The following MARCHF1 variants were observed in gnomAD, a reference collection of about 807,000 sequenced individuals.
MARCHF1 encodes the protein E3 ubiquitin-protein ligase MARCHF1.
Under a neutral mutation model 54.2 loss-of-function variants are expected in MARCHF1, and 40 were observed. The observed-to-expected ratio is 0.74, with a 90% CI of 0.57 to 0.96. The LOEUF is 0.96. Ranked by LOEUF, MARCHF1 falls within the 40% of genes least tolerant of loss-of-function variation. MARCHF1 has a pLI of 0.00. For synonymous variants in MARCHF1, 236 were observed against 236.3 expected, an observed-to-expected ratio of 1.00 and a Z score of 0.01; for missense variants, 586 against 656.5, an observed-to-expected ratio of 0.89 and a Z score of 1.17.
intron 3 of MARCHF1, among the ~76,000 whole-genome samples, chr4:163,891,833 C>T (rs1186137985): frequency 1.3e-5 from 2 of 152,144 alleles, no homozygotes; most frequent in East Asian, 3.8e-4. Context: ...CCATGATGCT[C>T]ATCTTTCTAG....
rs1005617962 is a variant in MARCHF1 at position 163,528,415 on chromosome 4, TAC to T, written c.*331_*332del. 6 of 235,108 alleles carry T rather than the reference TAC, an allele frequency of 2.6e-5. No homozygotes were observed. Among genetic ancestry groups the T allele is most frequent in the Non-Finnish European group, 5.0e-5 (6 of 120,820 alleles). The allele number at this position is 235,108 out of a possible 1,614,324, so 14.6% of individuals were successfully genotyped here. On this transcript the variant is annotated 3_prime_UTR_variant, in exon 10 of 10. Transcript: ENST00000514618. ...CTGTATTCTTGAACTTTTCCCCTGT[TAC>T]TGTGAAGAAGAGTATCATGGGTCCA...
At chr4:164,364,063 A>C (rs1171926528) in intron 1 of MARCHF1, among the ~76,000 whole-genome samples, 1 of 152,090 alleles carries the variant, frequency 6.6e-6, no homozygotes, top group East Asian at 1.9e-4. Context: ...CATCTAGAAA[A>C]ATTAGGAAAT....
chr4:163,972,552 T>G (rs1752566894), intron 3 of MARCHF1, among the ~76,000 whole-genome samples: 1 of 152,112 alleles, frequency 6.6e-6, no homozygotes, highest in Non-Finnish European at 1.5e-5. Context: ...TTGTTTTGTT[T>G]TGTTGTTTTT....
chr4:163,619,320 C>G (rs1258197191), intron 5 of MARCHF1, among the ~76,000 whole-genome samples: 2 of 152,030 alleles, frequency 1.3e-5, no homozygotes, highest in African/African-American at 4.8e-5. Context: ...TTCCATATAT[C>G]CAGGATGCAG....
At chr4:163,957,902 T>C (rs532699552) in intron 3 of MARCHF1, among the ~76,000 whole-genome samples, 1 of 152,178 alleles carries the variant, frequency 6.6e-6, no homozygotes, top group African/African-American at 2.4e-5. Flanking sequence ...GCTCAATTCA[T>C]GTTTCTCTAA....
intron 5 of MARCHF1, among the ~76,000 whole-genome samples, chr4:163,665,144 C>A (rs994735351): frequency 2.6e-5 from 4 of 151,934 alleles, no homozygotes; most frequent in African/African-American, 9.7e-5. Context: ...TCAGAACAGT[C>A]CACAGAATTA....
intron 5 of MARCHF1, among the ~76,000 whole-genome samples, chr4:163,626,005 T>A (rs112732521): frequency 1.3e-5 from 2 of 152,132 alleles, no homozygotes; most frequent in Non-Finnish European, 2.9e-5. Flanking sequence ...AAGATTGAAA[T>A]GGGGCTGGGA....
At chr4:163,633,481 C>G (rs528227035) in intron 5 of MARCHF1, among the ~76,000 whole-genome samples, 4 of 151,946 alleles carry the variant, frequency 2.6e-5, no homozygotes, top group Non-Finnish European at 5.9e-5. Context: ...CGATCAACTG[C>G]AAGGAAAGGT....
At chr4:163,984,901 G>T (rs1274055335) in intron 3 of MARCHF1, among the ~76,000 whole-genome samples, 1 of 152,126 alleles carries the variant, frequency 6.6e-6, no homozygotes, top group Non-Finnish European at 1.5e-5. Flanking sequence ...AAAAGAAAAA[G>T]AAATCTGGAA....
chr4:163,727,514 C>T (rs2111314080), intron 4 of MARCHF1, among the ~76,000 whole-genome samples: 1 of 152,094 alleles, frequency 6.6e-6, no homozygotes, highest in South Asian at 2.1e-4. Flanking sequence ...ACTGTGTCAG[C>T]CAGGATGGTC....
At chr4:164,083,491 AT>A (rs1008084869) in intron 2 of MARCHF1, among the ~76,000 whole-genome samples, 5 of 151,680 alleles carry the variant, frequency 3.3e-5, no homozygotes, top group East Asian at 3.9e-4. Context: ...CTTGGTCCCA[AT>A]TTTTTTTTCC....
At chr4:163,919,369 G>C (rs932636680) in intron 3 of MARCHF1, among the ~76,000 whole-genome samples, 1 of 151,872 alleles carries the variant, frequency 6.6e-6, no homozygotes, top group African/African-American at 2.4e-5. Context: ...AATAATTCAT[G>C]AAAAGGGAAG....
At chr4:163,969,557 T>C (rs1428170344) in intron 3 of MARCHF1, among the ~76,000 whole-genome samples, 1 of 152,208 alleles carries the variant, frequency 6.6e-6, no homozygotes, top group Non-Finnish European at 1.5e-5. Flanking sequence ...GTAAAAATGA[T>C]TTTTCTCAGA....
intron 1 of MARCHF1, among the ~76,000 whole-genome samples, chr4:164,193,284 A>G (rs1731168501): frequency 6.6e-6 from 1 of 152,008 alleles, no homozygotes. Context: ...GTCCCTTTCC[A>G]AGAAAAAGCA....
intron 4 of MARCHF1, among the ~76,000 whole-genome samples, chr4:163,737,437 A>G (rs1579243455): frequency 3.1e-5 from 2 of 65,034 alleles, no homozygotes; most frequent in East Asian, 5.1e-4. Flanking sequence ...TCATTGTTCA[A>G]TTCCCACCTA....
chr4:164,102,060 G>C (rs1755575469), intron 2 of MARCHF1, among the ~76,000 whole-genome samples: 1 of 96,318 alleles, frequency 1.0e-5, no homozygotes, highest in Non-Finnish European at 2.2e-5. Flanking sequence ...GGGAAGTTTA[G>C]AGAAAAAAGA....
rs1364918375 is a variant in MARCHF1 at position 163,545,585 on chromosome 4, T to C, written c.1339+11A>G. ...GGATCCAAGAGGGTAAGAAGAAAGA[T>C]GTGCTCTTACCATTGTCATTGCCTT... is the stretch of plus-strand genomic sequence containing the variant. On this transcript the variant is annotated intron_variant, in intron 9 of 9. Transcript: ENST00000514618. 3 of 1,610,328 alleles carry C rather than the reference T, an allele frequency of 1.9e-6. No individual in the cohort carries two copies. The highest frequency in any genetic ancestry group is 3.4e-5 in the Admixed American group (2 of 59,138).
intron 1 of MARCHF1, among the ~76,000 whole-genome samples, chr4:164,324,581 G>A (rs1303618061): frequency 1.3e-5 from 2 of 151,442 alleles, no homozygotes; most frequent in Non-Finnish European, 3.0e-5. Context: ...CTGAATGAAA[G>A]AAGCTAGAAG....
intron 1 of MARCHF1, among the ~76,000 whole-genome samples, chr4:164,322,968 T>C (rs1423960444): frequency 6.6e-6 from 1 of 151,860 alleles, no homozygotes. Context: ...AGCTGACAAT[T>C]TAAAAAATAG....
Sources: allele counts gnomAD v4.1 joint callset (sites outside exome capture counted in the v4.1 genomes callset), GRCh38; gene constraint gnomAD v4.1.1; transcripts MANE v1.5; gene names NCBI Gene and HGNC (gene_info 2026-07-23, HGNC 2026-07-21).